The following TMEM255B variants were observed in gnomAD, a reference collection of about 807,000 sequenced individuals.
TMEM255B encodes transmembrane protein 255B.
Under a neutral mutation model 34.5 loss-of-function variants are expected in TMEM255B, and 35 were observed. The observed-to-expected ratio is 1.01, with a 90% CI of 0.77 to 1.34. The LOEUF (loss-of-function observed/expected upper bound fraction) is 1.34, where lower values mean the gene tolerates loss of function less well. Ranked by LOEUF, TMEM255B falls within the 40% of genes most tolerant of loss-of-function variation. The probability of loss-of-function intolerance (pLI) is 0.00; values close to 1 mark genes in which losing one functional copy is unlikely to be tolerated. For missense variants in TMEM255B, 432 were observed against 433.2 expected (o/e 1.00, Z 0.02); for synonymous variants, 206 against 201.2 (o/e 1.02, Z -0.20).
intron 3 of TMEM255B, among the ~76,000 whole-genome samples, chr13:113,794,585 G>A (rs2050887575): frequency 1.3e-5 from 2 of 152,014 alleles, no homozygotes; most frequent in East Asian, 3.9e-4. Context: ...CGGGGATGGA[G>A]ACTCCCTGCT....
At chr13:113,767,272 A>C (rs1396481748) in intron 2 of TMEM255B, among the ~76,000 whole-genome samples, 1 of 152,262 alleles carries the variant, frequency 6.6e-6, no homozygotes, top group Admixed American at 6.5e-5. Flanking sequence ...CATCTACACT[A>C]TCTACCTGTG....
chr13:113,774,824 AAC>A (rs1165424206), intron 3 of TMEM255B, among the ~76,000 whole-genome samples: 1 of 149,414 alleles, frequency 6.7e-6, no homozygotes, highest in Non-Finnish European at 1.5e-5. Context: ...CACCACCTAC[AAC>A]ACACACGACA....
At chr13:113,794,556 C>T (rs755531633) in intron 3 of TMEM255B, among the ~76,000 whole-genome samples, 2 of 152,116 alleles carry the variant, frequency 1.3e-5, no homozygotes, top group African/African-American at 2.4e-5. Flanking sequence ...ACAGCACCCG[C>T]CCTCTGGTCA....
chr13:113,777,200 G>A (rs1293476453), intron 3 of TMEM255B, among the ~76,000 whole-genome samples: 2 of 152,006 alleles, frequency 1.3e-5, no homozygotes, highest in Admixed American at 6.6e-5. Flanking sequence ...CCGGAGCCTC[G>A]GCATCTGTTA....
intron 1 of TMEM255B, among the ~76,000 whole-genome samples, chr13:113,764,159 G>C (rs910024161): frequency 6.6e-6 from 1 of 152,250 alleles, no homozygotes; most frequent in Non-Finnish European, 1.5e-5. Context: ...CGGGGACACG[G>C]GTTGGGGCTG....
rs186303552 is a variant in TMEM255B at position 113,769,389 on chromosome 13, A to G, written c.252+229A>G. Among the ~76,000 whole-genome samples the G allele has an allele frequency of 5.9e-5, 9 of 152,282 alleles. No homozygotes were observed. The highest frequency in any genetic ancestry group is 4.2e-4 in the South Asian group (2 of 4,818). ...ATGGCCCTGGGTTGCTGGTGTATCA[A>G]CCTCACGTGGTGTGCAACCACCAAT... is the stretch of plus-strand genomic sequence containing the variant. On this transcript the variant is annotated intron_variant, in intron 3 of 8. Transcript: ENST00000375353. The surrounding 1 kb of genome is among the most constrained non-coding windows in gnomAD (Gnocchi z 4.2).
chr13:113,814,775 C>A lies in TMEM255B; in HGVS notation c.*2872C>A. 1 of 152,120 alleles carries A rather than the reference C, an allele frequency of 6.6e-6. No homozygotes were observed. 9.4% of individuals were successfully genotyped at this position (152,120 alleles called of 1,614,324 possible). A position where few individuals can be genotyped will look rare whatever the true frequency, so the allele number is the denominator to read the frequency against. On this transcript the variant is annotated 3_prime_UTR_variant, in exon 9 of 9. Coordinates refer to ENST00000375353, the MANE Select transcript of TMEM255B (RefSeq NM_182614.4). ...CCTCTGCAGGGATGGGCTCCCAATC[C>A]CGCCCTCACTTGGTTCCCATGCACA...
intron 1 of TMEM255B, among the ~76,000 whole-genome samples, chr13:113,764,904 G>C (rs1566718691): frequency 6.6e-6 from 1 of 152,204 alleles, no homozygotes; most frequent in Non-Finnish European, 1.5e-5. Flanking sequence ...GGCAACCAGG[G>C]AGAGGCTGAA....
rs898456263 is a variant in TMEM255B at position 113,813,776 on chromosome 13, C to A, written c.*1873C>A. 2 of 152,210 alleles carry A rather than the reference C, an allele frequency of 1.3e-5. No individual in the cohort carries two copies. The highest frequency in any genetic ancestry group is 2.9e-5 in the Non-Finnish European group (2 of 68,072). 9.4% of individuals were successfully genotyped at this position (152,210 alleles called of 1,614,324 possible). On this transcript the variant is annotated 3_prime_UTR_variant, in exon 9 of 9. Coordinates refer to ENST00000375353, the MANE Select transcript of TMEM255B (RefSeq NM_182614.4). ...ACCCGCCACTGCTTGTCATTTTTAT[C>A]TTATAAAATCCAGCCTCACAAGCTT...
At chr13:113,776,138 C>A (rs562496291) in intron 3 of TMEM255B, among the ~76,000 whole-genome samples, 1 of 152,278 alleles carries the variant, frequency 6.6e-6, no homozygotes, top group African/African-American at 2.4e-5. Context: ...TCCCGTCCCC[C>A]ACTCTCTGCT....
chr13:113,812,002 G>A lies in TMEM255B; in HGVS notation c.*99G>A, dbSNP rs1030160132. ...CTGTGGCCAACCTCCTAGAGAACCCGGGAGAATGTTCCAGAAGTCTGTCCC... is the reference window on the plus strand; with the variant it reads ...CTGTGGCCAACCTCCTAGAGAACCCAGGAGAATGTTCCAGAAGTCTGTCCC... On this transcript the variant is annotated 3_prime_UTR_variant, in exon 9 of 9. Transcript: ENST00000375353. The A allele has an allele frequency of 7.8e-6, 11 of 1,408,846 alleles. No homozygotes were observed. Among genetic ancestry groups the A allele is most frequent in the African/African-American group, 2.9e-5 (2 of 69,038 alleles). The allele number at this position is 1,408,846 out of a possible 1,614,324, so 87.3% of individuals were successfully genotyped here. A position where few individuals can be genotyped will look rare whatever the true frequency, so the allele number is the denominator to read the frequency against.
At chr13:113,767,462 C>T (rs139817833) in intron 2 of TMEM255B, among the ~76,000 whole-genome samples, 9 of 152,306 alleles carry the variant, frequency 5.9e-5, no homozygotes, top group South Asian at 2.1e-4. Context: ...AAGTGATTTG[C>T]GAAACATCAA....
rs201693332 is a variant in TMEM255B, at chr13:113,766,140, G to A, written c.72G>A (p.Thr24=). ...AAGGGCTTTCGAGGAGGAAGAAGACGTCGCTCTGGTTTGTGGGGTCTCTGC... is the reference window on the plus strand; with the variant it reads ...AAGGGCTTTCGAGGAGGAAGAAGACATCGCTCTGGTTTGTGGGGTCTCTGC... The part of the protein sequence containing the change: ...PAEGLSRRKK[T]SLWFVGSLLL... Residue 24 remains threonine, a synonymous_variant, in exon 2 of 9, where the codon ACG becomes ACA. Transcript: ENST00000375353. The A allele has an allele frequency of 2.8e-5, 45 of 1,614,104 alleles. No individual in the cohort carries two copies. Among genetic ancestry groups the A allele is most frequent in the Middle Eastern group, 1.6e-4 (1 of 6,080 alleles).
At position 113,770,328 on chromosome 13, in the gene TMEM255B, A is replaced by T. The variant is rs569091371; in HGVS notation, c.252+1168A>T. Among the ~76,000 whole-genome samples the T allele has an allele frequency of 6.6e-6, 1 of 152,126 alleles. No homozygotes were observed. Among genetic ancestry groups the T allele is most frequent in the African/African-American group, 2.4e-5 (1 of 41,434 alleles). ...ACAGCACAGGAAAGATCTGCCCCCCATGATTCAACTGCCTTCCACCAGGTC... is the reference window on the plus strand; with the variant it reads ...ACAGCACAGGAAAGATCTGCCCCCCTTGATTCAACTGCCTTCCACCAGGTC... On this transcript the variant is annotated intron_variant, in intron 3 of 8. Coordinates refer to ENST00000375353, the MANE Select transcript of TMEM255B (RefSeq NM_182614.4). The surrounding 1 kb of genome is among the most constrained non-coding windows in gnomAD (Gnocchi z 4.6).
intron 3 of TMEM255B, among the ~76,000 whole-genome samples, chr13:113,782,682 G>A (rs952894817): frequency 2.0e-5 from 3 of 151,492 alleles, no homozygotes; most frequent in African/African-American, 4.8e-5. Context: ...CGGAGGGGGG[G>A]GCTTCATTAT....
At position 113,812,213 on chromosome 13, in the gene TMEM255B, G is replaced by A; in HGVS notation, c.*310G>A. On this transcript the variant is annotated 3_prime_UTR_variant, in exon 9 of 9. Coordinates refer to ENST00000375353, the MANE Select transcript of TMEM255B (RefSeq NM_182614.4). ...TGTTTTCACATCCCTTAATTAATTA[G>A]CTATTATTATGATTTTGCAAAGACA... 1 of 412,086 alleles carries A rather than the reference G, an allele frequency of 2.4e-6. No homozygotes were observed. The highest frequency in any genetic ancestry group is 4.3e-6 in the Non-Finnish European group (1 of 231,708). The allele number at this position is 412,086 out of a possible 1,614,324, so 25.5% of individuals were successfully genotyped here.
chr13:113,795,687 A>G (rs1423210673), intron 4 of TMEM255B, among the ~76,000 whole-genome samples: 3 of 147,826 alleles, frequency 2.0e-5, no homozygotes, highest in Middle Eastern at 3.4e-3. Context: ...CACACAGAGC[A>G]CACAGCACAC....
At chr13:113,774,590 A>C (rs1219526907) in intron 3 of TMEM255B, among the ~76,000 whole-genome samples, 13 of 115,096 alleles carry the variant, frequency 1.1e-4, no homozygotes, top group Non-Finnish European at 2.2e-4. Flanking sequence ...ACACCACACA[A>C]CACACAAATG....
chr13:113,780,170 A>G (rs867169033), intron 3 of TMEM255B, among the ~76,000 whole-genome samples: 2 of 152,200 alleles, frequency 1.3e-5, no homozygotes, highest in South Asian at 4.1e-4. Context: ...CTTACCCCAG[A>G]TCAGAACCCC....
Sources: allele counts gnomAD v4.1 joint callset (sites outside exome capture counted in the v4.1 genomes callset), GRCh38; gene constraint gnomAD v4.1.1; non-coding constraint Gnocchi (gnomAD v3.1); transcripts MANE v1.5; gene names NCBI Gene and HGNC (gene_info 2026-07-23, HGNC 2026-07-21).